SETBP1: variants seen among roughly 807,000 people sequenced by gnomAD.
SETBP1 encodes SET binding protein 1.
A neutral mutation model predicts 101.0 loss-of-function variants in SETBP1; 9 were observed. The ratio of observed to expected loss-of-function variants is 0.09; its 90% CI spans 0.05 to 0.16. The LOEUF (loss-of-function observed/expected upper bound fraction) is 0.16. SETBP1 is among the 10% of genes least tolerant of loss of function. SETBP1 has a pLI of 1.00. For missense variants in SETBP1, 1,858 were observed against 2,033.8 expected, an observed-to-expected ratio of 0.91 and a Z score of 1.66; for synonymous variants, 818 against 788.5, an observed-to-expected ratio of 1.04 and a Z score of -0.63.
chr18:44,746,813 G>A (rs931040961), intron 2 of SETBP1, among the ~76,000 whole-genome samples: 2 of 152,198 alleles, frequency 1.3e-5, no homozygotes, highest in Non-Finnish European at 1.5e-5. Flanking sequence ...GGAGTCTGTG[G>A]TCTGGTATGG....
At chr18:44,702,525 A>G (rs1044112840) in intron 2 of SETBP1, among the ~76,000 whole-genome samples, 5 of 152,250 alleles carry the variant, frequency 3.3e-5, no homozygotes, top group African/African-American at 4.8e-5. Context: ...TGTTTATTGT[A>G]TAACAGCCAA....
intron 2 of SETBP1, among the ~76,000 whole-genome samples, chr18:44,746,174 A>G (rs868048830): frequency 1.2e-4 from 19 of 152,236 alleles, no homozygotes; most frequent in Non-Finnish European, 1.3e-4. Flanking sequence ...GGGGCGTCAT[A>G]GGAGAGATGA....
intron 5 of SETBP1, among the ~76,000 whole-genome samples, chr18:45,046,004 CAT>C (rs1405220848): frequency 1.3e-5 from 2 of 152,056 alleles, no homozygotes; most frequent in African/African-American, 2.4e-5. Flanking sequence ...CCCTGACACT[CAT>C]ATTGAGAACC....
At chr18:44,995,529 T>TGTG (rs2072477041) in intron 4 of SETBP1, among the ~76,000 whole-genome samples, 3 of 142,876 alleles carry the variant, frequency 2.1e-5, no homozygotes, top group Admixed American at 7.0e-5. Context: ...GTCCAGGCTT[T>TGTG]TGTGTGTGTG....
intron 2 of SETBP1, among the ~76,000 whole-genome samples, chr18:44,837,565 A>G (rs1267034278): frequency 6.6e-6 from 1 of 152,212 alleles, no homozygotes; most frequent in Non-Finnish European, 1.5e-5. Flanking sequence ...CTGTCTTTGC[A>G]TCACATGGAT....
chr18:44,702,313 T>C (rs905802390), intron 2 of SETBP1, among the ~76,000 whole-genome samples: 1 of 152,206 alleles, frequency 6.6e-6, no homozygotes, highest in African/African-American at 2.4e-5. Flanking sequence ...TTCATATAAG[T>C]GGACTCTTGA....
At chr18:44,875,105 C>CT (rs1249792577) in intron 3 of SETBP1, among the ~76,000 whole-genome samples, 2 of 152,190 alleles carry the variant, frequency 1.3e-5, no homozygotes, top group African/African-American at 4.8e-5. Flanking sequence ...AAGGGAATCT[C>CT]TGAGTTACCA....
intron 2 of SETBP1, among the ~76,000 whole-genome samples, chr18:44,847,000 C>T (rs1713464553): frequency 6.6e-6 from 1 of 152,126 alleles, no homozygotes; most frequent in Admixed American, 6.5e-5. Flanking sequence ...TGGTCCCGGT[C>T]ACGCAAAGAA....
intron 5 of SETBP1, among the ~76,000 whole-genome samples, chr18:45,061,544 C>G (rs2073891030): frequency 6.6e-6 from 1 of 152,190 alleles, no homozygotes; most frequent in South Asian, 2.1e-4. Flanking sequence ...TGACCTTTGG[C>G]CAAAAGCTGT....
At chr18:44,958,017 A>T (rs1309642707) in intron 4 of SETBP1, among the ~76,000 whole-genome samples, 1 of 152,196 alleles carries the variant, frequency 6.6e-6, no homozygotes, top group East Asian at 1.9e-4. Context: ...ACCTGTCCAA[A>T]TCTTATCTCT....
chr18:44,885,098 C>T (rs1477275693), intron 3 of SETBP1, among the ~76,000 whole-genome samples: 2 of 152,100 alleles, frequency 1.3e-5, no homozygotes, highest in African/African-American at 4.8e-5. Context: ...AGGCAAAGCT[C>T]ACCACCTTAG....
At chr18:45,022,215 A>G (rs755528534) in intron 4 of SETBP1, among the ~76,000 whole-genome samples, 16 of 152,140 alleles carry the variant, frequency 1.1e-4, no homozygotes, top group Middle Eastern at 3.2e-3. Context: ...TTCAAACTCC[A>G]GGCACTATTC....
At chr18:44,719,011 T>A (rs1338476434) in intron 2 of SETBP1, among the ~76,000 whole-genome samples, 3 of 152,138 alleles carry the variant, frequency 2.0e-5, no homozygotes, top group African/African-American at 7.2e-5. Context: ...GTTGAAGGCT[T>A]CCATTCTGGT....
chr18:45,064,792 A>C lies in SETBP1; in HGVS notation c.*1094A>C, dbSNP rs2073945927. 1 of 146,818 alleles carries C rather than the reference A, an allele frequency of 6.8e-6. No individual in the cohort carries two copies. The highest frequency in any genetic ancestry group is 1.5e-5 in the Non-Finnish European group (1 of 67,096). 9.1% of individuals were successfully genotyped at this position (146,818 alleles called of 1,614,324 possible). A position where few individuals can be genotyped will look rare whatever the true frequency, so the allele number is the denominator to read the frequency against. ...GTACCTGATCTTTTTCATTCAAATA[A>C]TTGTCATAGGTTGTTCAAAAAAAAA... On this transcript the variant is annotated 3_prime_UTR_variant, in exon 6 of 6. Transcript: ENST00000649279.
chr18:45,007,232 T>C (rs1013448818), intron 4 of SETBP1, among the ~76,000 whole-genome samples: 11 of 152,310 alleles, frequency 7.2e-5, no homozygotes, highest in African/African-American at 2.4e-4. Flanking sequence ...AGTCAATGGA[T>C]CATATTTGTT....
rs1599368381 is a variant in SETBP1, at chr18:44,951,793, C to T, written c.2453C>T (p.Thr818Ile). ...LQPISALPTKTQKGIHSGTWK... is the reference protein window; with the variant it reads ...LQPISALPTKIQKGIHSGTWK... ...CCCATCAGTGCTCTTCCAACCAAAACCCAAAAGGGAATACACAGTGGAACC... is the reference window on the plus strand; with the variant it reads ...CCCATCAGTGCTCTTCCAACCAAAATCCAAAAGGGAATACACAGTGGAACC... Residue 818 changes from threonine (T) to isoleucine (I), a missense_variant, in exon 4 of 6, where the codon ACC becomes ATC. Around this residue, in one of 12 missense-constraint regions of SETBP1, gnomAD observed 121 missense variants for 138.0 expected, o/e 0.88. Transcript: ENST00000649279. This position sits in a 1 kb window ranked among gnomAD's most constrained non-coding sequence, Gnocchi z 7.8. 2 of 1,614,094 alleles carry T rather than the reference C, an allele frequency of 1.2e-6. No individual in the cohort carries two copies. The highest frequency in any genetic ancestry group is 1.7e-6 in the Non-Finnish European group (2 of 1,180,020).
intron 4 of SETBP1, among the ~76,000 whole-genome samples, chr18:44,956,346 T>A (rs2071481159): frequency 6.6e-6 from 1 of 152,058 alleles, no homozygotes; most frequent in Non-Finnish European, 1.5e-5. Context: ...TTCACCTTAA[T>A]GTGATAGACT....
intron 5 of SETBP1, among the ~76,000 whole-genome samples, chr18:45,055,216 A>T: frequency 6.6e-6 from 1 of 152,024 alleles, no homozygotes. Flanking sequence ...GAGTGAATAA[A>T]CTCTCGAGGA....
intron 4 of SETBP1, among the ~76,000 whole-genome samples, chr18:44,978,725 T>G (rs780881133): frequency 6.6e-6 from 1 of 152,194 alleles, no homozygotes; most frequent in East Asian, 1.9e-4. Flanking sequence ...GACATAGAGA[T>G]GTATGTTTCC....
Sources: allele counts gnomAD v4.1 joint callset (sites outside exome capture counted in the v4.1 genomes callset), GRCh38; gene constraint gnomAD v4.1.1; regional missense constraint gnomAD v4.1.1; non-coding constraint Gnocchi (gnomAD v3.1); transcripts MANE v1.5; gene names NCBI Gene and HGNC (gene_info 2026-07-23, HGNC 2026-07-21).